Variants in PTPRM observed in about 807,000 individuals in gnomAD.
PTPRM encodes the protein receptor-type tyrosine-protein phosphatase mu.
PTPRM carries 47 observed loss-of-function variants against 186.7 expected under a neutral mutation model. The observed-to-expected ratio is 0.25, with a 90% CI of 0.20 to 0.32. The LOEUF (loss-of-function observed/expected upper bound fraction) is 0.32, where lower values mean the gene tolerates loss of function less well. Ranked by LOEUF, PTPRM falls within the 10% of genes least tolerant of loss-of-function variation. The probability of loss-of-function intolerance (pLI) is 1.00; values close to 1 mark genes in which losing one functional copy is unlikely to be tolerated. For synonymous variants in PTPRM, 668 were observed against 674.9 expected, an observed-to-expected ratio of 0.99 and a Z score of 0.16; for missense variants, 1,494 against 1,865.0, an observed-to-expected ratio of 0.80 and a Z score of 3.66.
intron 6 of PTPRM, among the ~76,000 whole-genome samples, chr18:7,951,524 G>T (rs538365575): frequency 6.6e-6 from 1 of 152,174 alleles, no homozygotes; most frequent in South Asian, 2.1e-4. Flanking sequence ...TAGAAAGAAT[G>T]AATAGATTCG....
intron 22 of PTPRM, among the ~76,000 whole-genome samples, chr18:8,326,691 C>T (rs1468645862): frequency 6.6e-6 from 1 of 152,058 alleles, no homozygotes; most frequent in Non-Finnish European, 1.5e-5. Context: ...GGAAAGGACT[C>T]CCCATTATTA....
At chr18:7,595,839 T>C (rs1317742887) in intron 1 of PTPRM, among the ~76,000 whole-genome samples, 1 of 152,224 alleles carries the variant, frequency 6.6e-6, no homozygotes, top group Admixed American at 6.5e-5. Context: ...GCCTGTCTGA[T>C]TATTTACGTA....
chr18:7,955,543 C>T (rs1380327579), intron 7 of PTPRM, 129 bp downstream of exon 7: 20 of 1,084,410 alleles, frequency 1.8e-5, no homozygotes, highest in Admixed American at 2.8e-5. Context: ...ACAGAAAATG[C>T]CCTTAGCCTG....
At chr18:7,755,503 A>G (rs910849808) in intron 1 of PTPRM, among the ~76,000 whole-genome samples, 2 of 152,214 alleles carry the variant, frequency 1.3e-5, no homozygotes, top group African/African-American at 2.4e-5. Flanking sequence ...TGGAAGAGCA[A>G]CTGAGTTGGT....
intron 14 of PTPRM, among the ~76,000 whole-genome samples, chr18:8,211,555 C>G (rs2146965371): frequency 6.6e-6 from 1 of 151,450 alleles, no homozygotes; most frequent in Non-Finnish European, 1.5e-5. Context: ...AGGCACCCGC[C>G]ACCACCCCTG....
At chr18:8,344,965 G>T (rs1426195333) in intron 23 of PTPRM, among the ~76,000 whole-genome samples, 1 of 152,116 alleles carries the variant, frequency 6.6e-6, no homozygotes, top group Non-Finnish European at 1.5e-5. Context: ...CCAGGGAATT[G>T]GCAAGGAAGT....
intron 13 of PTPRM, among the ~76,000 whole-genome samples, chr18:8,116,822 T>C (rs1310912917): frequency 2.6e-5 from 4 of 152,182 alleles, no homozygotes; most frequent in African/African-American, 7.2e-5. Flanking sequence ...GATTAAGCAA[T>C]CAGATGACCT....
chr18:8,318,921 G>A (rs751359079), intron 21 of PTPRM, among the ~76,000 whole-genome samples: 1 of 152,198 alleles, frequency 6.6e-6, no homozygotes, highest in East Asian at 1.9e-4. Flanking sequence ...AGTTGTTAGT[G>A]TTTCTTGCTC....
chr18:7,793,859 A>G (rs1460554759), intron 2 of PTPRM, among the ~76,000 whole-genome samples: 1 of 152,124 alleles, frequency 6.6e-6, no homozygotes, highest in Non-Finnish European at 1.5e-5. Flanking sequence ...CAGACACACA[A>G]GCAGCTGGAC....
chr18:7,649,664 G>T (rs979819278), intron 1 of PTPRM, among the ~76,000 whole-genome samples: 4 of 152,090 alleles, frequency 2.6e-5, no homozygotes, highest in African/African-American at 9.7e-5. Context: ...GGCGGATGTT[G>T]CAGTGAGCTC....
chr18:8,212,842 A>G (rs2146977966), intron 14 of PTPRM, among the ~76,000 whole-genome samples: 1 of 152,264 alleles, frequency 6.6e-6, no homozygotes, highest in East Asian at 1.9e-4. Context: ...TATAAATATA[A>G]AACAAAAGCA....
At chr18:8,344,581 C>T (rs1306281076) in intron 23 of PTPRM, among the ~76,000 whole-genome samples, 1 of 151,554 alleles carries the variant, frequency 6.6e-6, no homozygotes, top group Non-Finnish European at 1.5e-5. Context: ...ATATCACATG[C>T]ATATGCAAAT....
At chr18:8,149,855 T>G (rs937871778) in intron 14 of PTPRM, among the ~76,000 whole-genome samples, 18 of 152,184 alleles carry the variant, frequency 1.2e-4, no homozygotes, top group Admixed American at 6.5e-5. Context: ...GGTGACAAAA[T>G]CTCTCAGCAT....
chr18:7,812,524 C>T (rs1022038342), intron 2 of PTPRM, among the ~76,000 whole-genome samples: 1 of 152,154 alleles, frequency 6.6e-6, no homozygotes, highest in Admixed American at 6.5e-5. Flanking sequence ...ATGAGCTGCT[C>T]CAGGAATCTC....
chr18:8,146,518 A>C (rs2092891536), intron 14 of PTPRM, among the ~76,000 whole-genome samples: 1 of 148,708 alleles, frequency 6.7e-6, no homozygotes, highest in Non-Finnish European at 1.5e-5. Context: ...TTTTCTTGTA[A>C]ATTTGTTTAA....
chr18:7,822,182 C>G (rs1334631162), intron 2 of PTPRM, among the ~76,000 whole-genome samples: 1 of 152,220 alleles, frequency 6.6e-6, no homozygotes, highest in Non-Finnish European at 1.5e-5. Flanking sequence ...CTCAATACTT[C>G]TTGTCCCCCA....
chr18:7,992,753 G>A (rs1317010934), intron 7 of PTPRM, among the ~76,000 whole-genome samples: 1 of 151,984 alleles, frequency 6.6e-6, no homozygotes, highest in African/African-American at 2.4e-5. Flanking sequence ...AAGTTACTAT[G>A]TGATATTTCT....
chr18:8,140,039 A>G (rs1407625275), intron 13 of PTPRM, among the ~76,000 whole-genome samples: 1 of 152,196 alleles, frequency 6.6e-6, no homozygotes, highest in East Asian at 1.9e-4. Flanking sequence ...TTCAAGGTCA[A>G]CCTCGTACTA....
chr18:8,235,900 T>C (rs1447002177), intron 14 of PTPRM, among the ~76,000 whole-genome samples: 1 of 152,216 alleles, frequency 6.6e-6, no homozygotes, highest in Non-Finnish European at 1.5e-5. Context: ...TTCATGTTAC[T>C]GATTTCTAAT....
Sources: allele counts gnomAD v4.1 joint callset (sites outside exome capture counted in the v4.1 genomes callset), GRCh38; gene constraint gnomAD v4.1.1; transcripts MANE v1.5; gene names NCBI Gene and HGNC (gene_info 2026-07-23, HGNC 2026-07-21).